Variants in DMD observed in about 807,000 individuals in gnomAD.
The protein encoded by DMD is mutant dystrophin.
Under a neutral mutation model 330.1 loss-of-function variants are expected in DMD, and 63 were observed. The observed-to-expected ratio is 0.19, with a 90% confidence interval of 0.16 to 0.24. The LOEUF is 0.24. DMD is among the 10% of genes least tolerant of loss of function. The probability of loss-of-function intolerance (pLI) is 1.00; values close to 1 mark genes in which losing one functional copy is unlikely to be tolerated. For synonymous variants in DMD, 1,223 were observed against 959.8 expected (o/e 1.27, Z -5.07); for missense variants, 3,344 against 2,684.1 (o/e 1.25, Z -5.43).
At chrX:32,802,345 C>T (rs1443390806) in intron 7 of DMD, among the ~76,000 whole-genome samples, 3 of 111,609 alleles carry the variant, frequency 2.7e-5, no homozygotes, top group Admixed American at 9.5e-5. Flanking sequence ...TTTTCCACAT[C>T]GATTTTGTAT....
intron 2 of DMD, among the ~76,000 whole-genome samples, chrX:32,856,850 C>T (rs188345703): frequency 7.2e-5 from 8 of 111,382 alleles, no homozygotes; most frequent in African/African-American, 1.3e-4. Flanking sequence ...CCGAGGCAGG[C>T]GGATCATGAG....
At chrX:32,226,499 A>T (rs1008945101) in intron 43 of DMD, among the ~76,000 whole-genome samples, 1 of 111,996 alleles carries the variant, frequency 8.9e-6, no homozygotes, top group African/African-American at 3.2e-5. Flanking sequence ...TGTACCTCTT[A>T]GAATAAGGAA....
At chrX:32,240,562 A>T (rs898407042) in intron 43 of DMD, among the ~76,000 whole-genome samples, 1 of 111,882 alleles carries the variant, frequency 8.9e-6, no homozygotes, top group Admixed American at 9.5e-5. Flanking sequence ...TATAGCAATA[A>T]AACTTGACTA....
intron 43 of DMD, 45 bp downstream of exon 43, chrX:32,287,484 C>A: frequency 8.6e-7 from 1 of 1,157,055 alleles, no homozygotes; most frequent in East Asian, 3.0e-5. Flanking sequence ...TCCCTGAAAA[C>A]AAATCATTTC....
At chrX:32,919,417 T>G (rs1780135500) in intron 2 of DMD, among the ~76,000 whole-genome samples, 2 of 112,305 alleles carry the variant, frequency 1.8e-5, no homozygotes, top group Admixed American at 1.9e-4. Flanking sequence ...TATTCAACTA[T>G]AAAGTAAATG....
intron 44 of DMD, among the ~76,000 whole-genome samples, chrX:32,089,412 A>G (rs780407842): frequency 9.0e-6 from 1 of 110,957 alleles, no homozygotes; most frequent in Non-Finnish European, 1.9e-5. Context: ...CCCAATAATT[A>G]TTTTTCCTGA....
chrX:33,271,367 A>G (rs908028229), intron 1 of DMD, among the ~76,000 whole-genome samples: 1 of 111,250 alleles, frequency 9.0e-6, no homozygotes, highest in African/African-American at 3.3e-5. Flanking sequence ...AAAAGCAAAT[A>G]TTTATCAAAT....
intron 21 of DMD, among the ~76,000 whole-genome samples, chrX:32,480,180 C>A (rs1329460809): frequency 3.6e-5 from 4 of 111,643 alleles, no homozygotes; most frequent in Non-Finnish European, 7.6e-5. Context: ...CTCTAAACAT[C>A]AGAAAAATGT....
At chrX:31,616,455 A>G (rs2078207165) in intron 55 of DMD, among the ~76,000 whole-genome samples, 1 of 111,805 alleles carries the variant, frequency 8.9e-6, no homozygotes, top group South Asian at 3.7e-4. Context: ...ATTGGAAACG[A>G]GACTCAGGGG....
At chrX:31,989,255 G>A (rs2095532812) in intron 44 of DMD, among the ~76,000 whole-genome samples, 1 of 111,660 alleles carries the variant, frequency 9.0e-6, no homozygotes, top group Non-Finnish European at 1.9e-5. Context: ...TTGACCAAAT[G>A]TCTCGGTACC....
At chrX:32,712,348 A>G (rs2065265567) in intron 7 of DMD, among the ~76,000 whole-genome samples, 1 of 111,702 alleles carries the variant, frequency 9.0e-6, no homozygotes, top group Admixed American at 9.6e-5. Context: ...ACAACGCTGC[A>G]ATGAACATCC....
intron 6 of DMD, among the ~76,000 whole-genome samples, chrX:32,813,680 G>A (rs746542063): frequency 1.8e-5 from 2 of 111,549 alleles, no homozygotes; most frequent in African/African-American, 3.3e-5. Flanking sequence ...TTACAGAACT[G>A]ATATAAATGT....
At chrX:32,766,597 G>A (rs754881617) in intron 7 of DMD, among the ~76,000 whole-genome samples, 107 of 111,058 alleles carry the variant, frequency 9.6e-4, no homozygotes, top group Non-Finnish European at 2.5e-4. Context: ...TTTTTGTGTG[G>A]AAATCTCTAG....
chrX:31,486,492 C>A (rs553489662), intron 57 of DMD, among the ~76,000 whole-genome samples: 1 of 112,392 alleles, frequency 8.9e-6, no homozygotes. Flanking sequence ...AAGAAGTGGT[C>A]CCATTAGCAT....
intron 50 of DMD, among the ~76,000 whole-genome samples, chrX:31,814,729 T>C (rs745810621): frequency 5.2e-4 from 58 of 111,546 alleles, no homozygotes; most frequent in South Asian, 3.8e-3. Flanking sequence ...AGGATTCACA[T>C]TGACATTTAC....
intron 28 of DMD, among the ~76,000 whole-genome samples, chrX:32,438,653 C>T (rs1241002748): frequency 9.0e-6 from 1 of 111,634 alleles, no homozygotes; most frequent in African/African-American, 3.3e-5. Flanking sequence ...TCCTTGACGT[C>T]CCCTAACTCT....
chrX:32,460,864 G>C (rs1376898164), intron 25 of DMD, among the ~76,000 whole-genome samples: 1 of 111,774 alleles, frequency 8.9e-6, no homozygotes, highest in Non-Finnish European at 1.9e-5. Flanking sequence ...ACATTGTTGT[G>C]ATAATGTGTT....
At chrX:32,421,372 C>A (rs1383715264) in intron 29 of DMD, among the ~76,000 whole-genome samples, 2 of 111,953 alleles carry the variant, frequency 1.8e-5, no homozygotes, top group Admixed American at 1.9e-4. Context: ...CTACCAGGAT[C>A]TTTGGCTCTG....
At chrX:32,438,604 C>T (rs928724542) in intron 28 of DMD, among the ~76,000 whole-genome samples, 3 of 111,290 alleles carry the variant, frequency 2.7e-5, no homozygotes, top group African/African-American at 9.8e-5. Context: ...GACAGTGTTG[C>T]GGACTGAGAA....
Sources: allele counts gnomAD v4.1 joint callset (sites outside exome capture counted in the v4.1 genomes callset), GRCh38; gene constraint gnomAD v4.1.1; transcripts MANE v1.5; gene names NCBI Gene and HGNC (gene_info 2026-07-23, HGNC 2026-07-21).